SLC45A4: variants seen among roughly 807,000 people sequenced by gnomAD.
The protein encoded by SLC45A4 is solute carrier family 45 member 4.
SLC45A4 carries 32 observed loss-of-function variants against 63.7 expected under a neutral mutation model. The observed-to-expected ratio is 0.50, with a 90% confidence interval of 0.38 to 0.67. The LOEUF is 0.67. Among genes scored for constraint, SLC45A4 ranks in the 30% least tolerant of loss-of-function variants. The pLI is 0.00. For missense variants in SLC45A4, 1,027 were observed against 1,157.7 expected, an observed-to-expected ratio of 0.89 and a Z score of 1.64; for synonymous variants, 535 against 510.0, an observed-to-expected ratio of 1.05 and a Z score of -0.66.
At chr8:141,245,332 A>G (rs1201136962) in intron 2 of SLC45A4, among the ~76,000 whole-genome samples, 1 of 152,156 alleles carries the variant, frequency 6.6e-6, no homozygotes. Context: ...CGTTTCGAGG[A>G]GGGACAGGAA....
intron 2 of SLC45A4, among the ~76,000 whole-genome samples, chr8:141,250,739 G>A (rs1211436140): frequency 6.6e-6 from 1 of 152,118 alleles, no homozygotes; most frequent in Admixed American, 6.5e-5. Context: ...CGTGCGGTGC[G>A]GTAGGTGTGT....
At chr8:141,295,843 G>A (rs778560753) in intron 1 of SLC45A4, among the ~76,000 whole-genome samples, 94 of 152,330 alleles carry the variant, frequency 6.2e-4, no homozygotes, top group Non-Finnish European at 1.1e-3. Flanking sequence ...GCCCTGCACC[G>A]CCCAGGATGG....
In SLC45A4 at chr8:141,229,552, C is replaced by T. The variant is rs533265733; in HGVS notation, c.242-7787G>A. 1.3e-5 allele frequency among the ~76,000 whole-genome samples: 2 copies of T among 152,298 alleles called. No homozygotes were observed. Among genetic ancestry groups the T allele is most frequent in the African/African-American group, 4.8e-5 (2 of 41,562 alleles). On this transcript the variant is annotated intron_variant, in intron 2 of 8. Transcript: ENST00000517878. This position sits in a 1 kb window ranked among gnomAD's most constrained non-coding sequence, Gnocchi z 5.0. ...CTTGTCAAGGCCACAAGCTTCAAGG[C>T]AGTGGGACCATCCAGGACCGCATCC...
At chr8:141,255,139 C>T (rs1828712180) in intron 1 of SLC45A4, among the ~76,000 whole-genome samples, 3 of 152,208 alleles carry the variant, frequency 2.0e-5, no homozygotes, top group South Asian at 2.1e-4. Flanking sequence ...GTTGCCCAGG[C>T]TGGAGTGCGG....
At chr8:141,252,817 C>A (rs1056157718) in intron 2 of SLC45A4, among the ~76,000 whole-genome samples, 2 of 150,376 alleles carry the variant, frequency 1.3e-5, no homozygotes, top group Admixed American at 1.3e-4. Context: ...TCACGCCCAC[C>A]TGCGTGTCTG....
At chr8:141,291,764 C>T (rs1016674294) in intron 1 of SLC45A4, among the ~76,000 whole-genome samples, 1 of 152,200 alleles carries the variant, frequency 6.6e-6, no homozygotes, top group African/African-American at 2.4e-5. Context: ...CTTGCCAGGG[C>T]AGTGTGAGCT....
intron 2 of SLC45A4, among the ~76,000 whole-genome samples, chr8:141,245,221 G>C (rs944619417): frequency 1.2e-4 from 18 of 152,144 alleles, no homozygotes; most frequent in Non-Finnish European, 2.5e-4. Flanking sequence ...GCTGGTATCT[G>C]CTGAGATAAG....
chr8:141,303,603 T>C (rs1830814420), intron 1 of SLC45A4, among the ~76,000 whole-genome samples: 3 of 152,172 alleles, frequency 2.0e-5, no homozygotes. Flanking sequence ...TAGGAAAAAT[T>C]TGGTTGCCAG....
intron 2 of SLC45A4, among the ~76,000 whole-genome samples, chr8:141,233,775 G>A (rs187124130): frequency 1.3e-5 from 2 of 152,298 alleles, no homozygotes; most frequent in Non-Finnish European, 2.9e-5. Flanking sequence ...CAGGCCCCTG[G>A]GAAACGGCTA....
At chr8:141,212,022 C>T (rs963459549) in intron 8 of SLC45A4, 175 bp downstream of exon 8, 58 of 1,330,682 alleles carry the variant, frequency 4.4e-5, no homozygotes, top group Non-Finnish European at 4.8e-5. Context: ...ACCTACCCTA[C>T]GACTACTGAA....
intron 1 of SLC45A4, among the ~76,000 whole-genome samples, chr8:141,281,120 C>T (rs1829921823): frequency 6.6e-6 from 1 of 152,188 alleles, no homozygotes; most frequent in South Asian, 2.1e-4. Flanking sequence ...GGGTGGATCA[C>T]CTGAGGTCAG....
rs142824108 is a variant in SLC45A4 at position 141,272,996 on chromosome 8, C to T, written c.-400-18367G>A. The stretch of plus-strand genomic sequence containing the variant: ...TTTAAACAGAATCCCTCTTCATCTT[C>T]TACCAAAACAAACTGTTACCTAAAT... On this transcript the variant is annotated intron_variant, in intron 1 of 8. Coordinates refer to ENST00000517878, the MANE Select transcript of SLC45A4 (RefSeq NM_001286646.2). Among the ~76,000 whole-genome samples, 433 of 152,332 alleles carry T rather than the reference C, an allele frequency of 2.8e-3. 1 individual carries two copies. The highest frequency in any genetic ancestry group is 1.0e-2 in the African/African-American group (415 of 41,572).
At chr8:141,307,547 G>A (rs569919938) in intron 1 of SLC45A4, among the ~76,000 whole-genome samples, 1 of 142,424 alleles carries the variant, frequency 7.0e-6, no homozygotes, top group East Asian at 1.9e-4. Context: ...GGAAGAAGGG[G>A]AAGAAGGGAG....
Position 141,212,418 on chromosome 8 carries a change from C to T in SLC45A4, c.2080G>A (p.Val694Ile), listed in dbSNP as rs1296013853. Residue 694 changes from valine to isoleucine, a missense_variant, in exon 8 of 9, where the codon GTC becomes ATC. Coordinates refer to ENST00000517878, the MANE Select transcript of SLC45A4 (RefSeq NM_001286646.2). ...CCCACAGAGGCCACCATGGGGATGA[C>T]GCGGACAGTCCCCACGGCGTCGACC... is the stretch of plus-strand genomic sequence containing the variant. ...GVVDAVGTVR[V>I]IPMVASVGSF... 11 of 1,613,648 alleles carry T rather than the reference C, an allele frequency of 6.8e-6. No homozygotes were observed. The highest frequency in any genetic ancestry group is 5.3e-5 in the African/African-American group (4 of 74,914).
chr8:141,283,496 T>C (rs2154615127), intron 1 of SLC45A4, among the ~76,000 whole-genome samples: 2 of 152,348 alleles, frequency 1.3e-5, no homozygotes, highest in South Asian at 4.1e-4. Flanking sequence ...ACTGCATCCC[T>C]GGATGTCCCA....
At chr8:141,270,475 A>C (rs1024291646) in intron 1 of SLC45A4, among the ~76,000 whole-genome samples, 5 of 151,592 alleles carry the variant, frequency 3.3e-5, no homozygotes, top group Non-Finnish European at 5.9e-5. Flanking sequence ...GGAGTTCCAG[A>C]CCAGCCTGGA....
chr8:141,254,532 C>A lies in SLC45A4; in HGVS notation c.-303G>T. The A allele has an allele frequency of 1.4e-6, 1 of 702,042 alleles. No homozygotes were observed. The highest frequency in any genetic ancestry group is 2.0e-5 in the Admixed American group (1 of 49,988). 43.5% of individuals were successfully genotyped at this position (702,042 alleles called of 1,614,324 possible). On this transcript the variant is annotated 5_prime_UTR_variant, in exon 2 of 9. Transcript: ENST00000517878. This position sits in a 1 kb window ranked among gnomAD's most constrained non-coding sequence, Gnocchi z 4.5. ...GTTAATACCAGTTTCATCATTATTA[C>A]TGAAGAGGTGCTGAAGTGATTTTTC...
At chr8:141,284,927 G>A (rs759419536) in intron 1 of SLC45A4, among the ~76,000 whole-genome samples, 2 of 152,082 alleles carry the variant, frequency 1.3e-5, no homozygotes, top group East Asian at 1.9e-4. Context: ...TGTCCCAAGC[G>A]TCCACCGTGG....
In SLC45A4 at chr8:141,210,346, C is replaced by T. The variant is rs897142231; in HGVS notation, c.*1226G>A. The T allele has an allele frequency of 2.6e-5, 4 of 152,300 alleles. No homozygotes were observed. Among genetic ancestry groups the T allele is most frequent in the Non-Finnish European group, 5.9e-5 (4 of 68,068 alleles). 9.4% of individuals were successfully genotyped at this position (152,300 alleles called of 1,614,324 possible). A position where few individuals can be genotyped will look rare whatever the true frequency, so the allele number is the denominator to read the frequency against. ...CTCGCAGCAAAGCTGGCAGCACTTTCAGTAGTCGGACTTGCCCTGTCCAAG... is the reference window on the plus strand; with the variant it reads ...CTCGCAGCAAAGCTGGCAGCACTTTTAGTAGTCGGACTTGCCCTGTCCAAG... On this transcript the variant is annotated 3_prime_UTR_variant, in exon 9 of 9. Coordinates refer to ENST00000517878, the MANE Select transcript of SLC45A4 (RefSeq NM_001286646.2).
Sources: gnomAD v4.1 joint callset for allele counts (sites outside exome capture counted in the v4.1 genomes callset) on GRCh38, gnomAD v4.1.1 for gene constraint, Gnocchi (gnomAD v3.1) non-coding constraint, MANE v1.5 for transcripts, NCBI Gene and HGNC (gene_info 2026-07-23, HGNC 2026-07-21) for gene names.